Variants in MBNL3 observed in about 807,000 individuals in gnomAD.
MBNL3 encodes the protein muscleblind like splicing regulator 3.
MBNL3 carries 6 observed loss-of-function variants against 24.5 expected under a neutral mutation model. The observed-to-expected ratio is 0.25, with a 90% CI of 0.13 to 0.48. The LOEUF is 0.48. Among genes scored for constraint, MBNL3 ranks in the 20% least tolerant of loss-of-function variants. The pLI is 0.99. For synonymous variants in MBNL3, 100 were observed against 101.7 expected (o/e 0.98, Z 0.10); for missense variants, 230 against 293.5 (o/e 0.78, Z 1.58).
chrX:132,467,535 T>G (rs1056820741), intron 1 of MBNL3, among the ~76,000 whole-genome samples: 2 of 112,373 alleles, frequency 1.8e-5, no homozygotes, highest in Non-Finnish European at 3.8e-5. Context: ...GGAAACTTTC[T>G]TGTGGATACA....
chrX:132,372,382 A>G lies in MBNL3; in HGVS notation c.*7284T>C, dbSNP rs1417736990. ...AGAATATATTTAGGAAAATCCTTCA[A>G]AAGTTTTTTAATTTAAATCATTGTA... On this transcript the variant is annotated 3_prime_UTR_variant, in exon 9 of 9. Transcript: ENST00000370853. The G allele has an allele frequency of 9.1e-6, 1 of 109,998 alleles. No individual in the cohort carries two copies. Among genetic ancestry groups the G allele is most frequent in the Non-Finnish European group, 1.9e-5 (1 of 52,611 alleles). The allele number at this position is 109,998 out of a possible 1,213,427, so 9.1% of individuals were successfully genotyped here.
chrX:132,379,569 ATTG>A lies in MBNL3; in HGVS notation c.*94_*96del. ...TTAATACATTGACTGCAACACGCTTATTGTTGTGTTGGTAGAATAAGACATACG... is the reference window on the plus strand; with the variant it reads ...TTAATACATTGACTGCAACACGCTTATTGTGTTGGTAGAATAAGACATACG... On this transcript the variant is annotated 3_prime_UTR_variant, in exon 9 of 9. Coordinates refer to ENST00000370853, the MANE Select transcript of MBNL3 (RefSeq NM_001386889.1). 3.3e-6 allele frequency: 3 copies of A among 907,898 alleles called. No individual in the cohort carries two copies. The highest frequency in any genetic ancestry group is 3.2e-5 in the Admixed American group (1 of 31,068). The allele number at this position is 907,898 out of a possible 1,213,427, so 74.8% of individuals were successfully genotyped here.
Position 132,406,377 on chromosome X carries a change from C to G in MBNL3, c.193G>C (p.Glu65Gln), listed in dbSNP as rs764440947. Residue 65 changes from glutamate to glutamine, a missense_variant, in exon 3 of 9, where the codon GAG becomes CAG. Glu to Gln is a conservative substitution (Grantham distance 29). Transcript: ENST00000370853. ...FDSLKGRCTRENCKYLHPPPH... is the reference protein window; with the variant it reads ...FDSLKGRCTRQNCKYLHPPPH... Reference sequence around the variant, plus strand: ...GGAGGGTGAAGGTACTTGCAGTTCTCTCGGGTACACCGACCCTGACAATGA... The same window carrying G: ...GGAGGGTGAAGGTACTTGCAGTTCTGTCGGGTACACCGACCCTGACAATGA... 1.2e-5 allele frequency: 14 copies of G among 1,196,272 alleles called. No homozygotes were observed. The South Asian group carries it at 2.4e-4, about 20-fold the overall frequency.
chrX:132,414,730 T>G (rs1435528571), intron 2 of MBNL3, among the ~76,000 whole-genome samples: 2 of 111,542 alleles, frequency 1.8e-5, no homozygotes, highest in African/African-American at 6.5e-5. Context: ...ACTGATCTAA[T>G]CCAACTTCCT....
chrX:132,465,359 G>A (rs1946834200), intron 1 of MBNL3, among the ~76,000 whole-genome samples: 1 of 111,885 alleles, frequency 8.9e-6, no homozygotes, highest in Admixed American at 9.5e-5. Context: ...AACTTTAAAA[G>A]CTATGATTCT....
chrX:132,443,984 T>TCCCCCCCC lies in MBNL3; in HGVS notation c.-703-3671_-703-3670insGGGGGGGG, dbSNP rs762809506. Among the ~76,000 whole-genome samples the TCCCCCCCC allele has an allele frequency of 7.8e-3, 48 of 6,154 alleles. 16 individuals are homozygous for TCCCCCCCC. Among genetic ancestry groups the TCCCCCCCC allele is most frequent in the Non-Finnish European group, 8.4e-3 (30 of 3,556 alleles). The allele number at this position is 6,154 out of a possible 115,157, so 5.3% of individuals were successfully genotyped here. On this transcript the variant is annotated intron_variant, in intron 1 of 8. Coordinates refer to ENST00000370853, the MANE Select transcript of MBNL3 (RefSeq NM_001386889.1). ...AAACTCAAGCAGCCTGACTCCAGAG[T>TCCCCCCCC]CCGCCCCCCCCCCCCCCCCCCACCT...
At chrX:132,425,472 C>T (rs1944225660) in intron 2 of MBNL3, among the ~76,000 whole-genome samples, 1 of 111,170 alleles carries the variant, frequency 9.0e-6, no homozygotes, top group South Asian at 3.8e-4. Flanking sequence ...TTCATGGACC[C>T]TCTCTATTAT....
At chrX:132,488,030 A>C (rs1399155582) in intron 1 of MBNL3, among the ~76,000 whole-genome samples, 4 of 112,320 alleles carry the variant, frequency 3.6e-5, no homozygotes, top group Non-Finnish European at 7.5e-5. Context: ...TAAATCTTGC[A>C]AGTTTTGTTT....
chrX:132,384,328 A>T (rs1935586922), intron 7 of MBNL3, among the ~76,000 whole-genome samples: 1 of 112,474 alleles, frequency 8.9e-6, no homozygotes, highest in African/African-American at 3.2e-5. Flanking sequence ...ACAATTTTTA[A>T]ATAATACATG....
chrX:132,372,560 T>C lies in MBNL3; in HGVS notation c.*7106A>G, dbSNP rs1933718064. 1 of 109,239 alleles carries C rather than the reference T, an allele frequency of 9.2e-6. No individual in the cohort carries two copies. Among genetic ancestry groups the C allele is most frequent in the African/African-American group, 3.3e-5 (1 of 30,323 alleles). The allele number at this position is 109,239 out of a possible 1,213,427, so 9.0% of individuals were successfully genotyped here. On this transcript the variant is annotated 3_prime_UTR_variant, in exon 9 of 9. Transcript: ENST00000370853. ...CATTCATTCCCATAATCCAGTGATATGATGGTCATATCATTCTCTCAACTG... is the reference window on the plus strand; with the variant it reads ...CATTCATTCCCATAATCCAGTGATACGATGGTCATATCATTCTCTCAACTG...
chrX:132,407,558 A>C (rs773936910), intron 2 of MBNL3, among the ~76,000 whole-genome samples: 1 of 112,377 alleles, frequency 8.9e-6, no homozygotes, highest in South Asian at 3.7e-4. Context: ...TGGTAGTATG[A>C]GTTAAGAATC....
chrX:132,415,684 C>T (rs969228546), intron 2 of MBNL3, among the ~76,000 whole-genome samples: 5 of 111,478 alleles, frequency 4.5e-5, no homozygotes, highest in African/African-American at 1.6e-4. Flanking sequence ...AATTATGTTT[C>T]AATCCCCCAA....
At position 132,391,077 on chromosome X, in the gene MBNL3, G is replaced by T. The variant is rs1288518299; in HGVS notation, c.541C>A (p.Arg181=). ...GTACAATTTCCACGCTGAAATTCTC[G>T]GCAAACCTTAGAACACACACATGCA... ...LMRSDKLEVC[R]EFQRGNCTRG... is the part of the protein sequence containing the mutation. Residue 181 remains arginine, a synonymous_variant, in exon 5 of 9, where the codon CGA becomes AGA. Transcript: ENST00000370853. 1.7e-6 allele frequency: 2 copies of T among 1,205,785 alleles called. No homozygotes were observed. The highest frequency in any genetic ancestry group is 3.5e-5 in the South Asian group (2 of 56,817).
intron 2 of MBNL3, chrX:132,430,296 G>A (rs913823348): frequency 9.0e-6 from 1 of 111,345 alleles, no homozygotes; most frequent in Admixed American, 9.5e-5. Context: ...CCTTCACCCA[G>A]ATTCCCCTAC....
In MBNL3 at chrX:132,377,473, G is replaced by A. The variant is rs985111867; in HGVS notation, c.*2193C>T. The A allele has an allele frequency of 9.0e-6, 1 of 111,521 alleles. No homozygotes were observed. Among genetic ancestry groups the A allele is most frequent in the African/African-American group, 3.3e-5 (1 of 30,722 alleles). The allele number at this position is 111,521 out of a possible 1,213,427, so 9.2% of individuals were successfully genotyped here. On this transcript the variant is annotated 3_prime_UTR_variant, in exon 9 of 9. Transcript: ENST00000370853. ...AGCACTGTTGATCAGGATTTGGATG[G>A]ATAATTAAGATCAACAGAGTATCAA...
intron 3 of MBNL3, 66 bp downstream of exon 3, chrX:132,406,162 A>G: frequency 8.7e-7 from 1 of 1,150,469 alleles, no homozygotes; most frequent in Admixed American, 2.2e-5. Context: ...AATTTCCCCA[A>G]GTCCCTGCCA....
At chrX:132,406,863 A>C (rs923107789) in intron 2 of MBNL3, among the ~76,000 whole-genome samples, 3 of 111,938 alleles carry the variant, frequency 2.7e-5, no homozygotes, top group African/African-American at 9.8e-5. Flanking sequence ...ACTCATGAGC[A>C]GTATATAAAG....
rs1445754925 is a variant in MBNL3 at position 132,372,030 on chromosome X, C to T, written c.*7636G>A. ...AAGTTTATGCATTTTATTAGAAGAA[C>T]AAAAAATAAACATAGAAGTAGCATA... On this transcript the variant is annotated 3_prime_UTR_variant, in exon 9 of 9. Coordinates refer to ENST00000370853, the MANE Select transcript of MBNL3 (RefSeq NM_001386889.1). 1 of 109,488 alleles carries T rather than the reference C, an allele frequency of 9.1e-6. No homozygotes were observed. Among genetic ancestry groups the T allele is most frequent in the Non-Finnish European group, 1.9e-5 (1 of 52,314 alleles). 9.0% of individuals were successfully genotyped at this position (109,488 alleles called of 1,213,427 possible). A position where few individuals can be genotyped will look rare whatever the true frequency, so the allele number is the denominator to read the frequency against.
rs1373395225 is a variant in MBNL3 at position 132,390,995 on chromosome X, G to A, written c.623C>T (p.Ala208Val). ...AHPTDASMIE[A>V]SDNTVTICMD... ...GCAGATTGTCACAGTATTATCACTC[G>A]CTTCAATCATGGAAGCATCAGTAGG... is the stretch of plus-strand genomic sequence containing the variant. Residue 208 changes from alanine (A) to valine (V), a missense_variant, in exon 5 of 9, where the codon GCG (alanine) becomes GTG (valine). By Grantham distance (64) the Ala-to-Val change is moderately conservative. Coordinates refer to ENST00000370853, the MANE Select transcript of MBNL3 (RefSeq NM_001386889.1). The A allele has an allele frequency of 7.4e-6, 9 of 1,210,793 alleles. No homozygotes were observed. Among genetic ancestry groups the A allele is most frequent in the South Asian group, 1.8e-5 (1 of 56,944 alleles).
Sources: gnomAD v4.1 joint callset for allele counts (sites outside exome capture counted in the v4.1 genomes callset) on GRCh38, gnomAD v4.1.1 for gene constraint, MANE v1.5 for transcripts, NCBI Gene and HGNC (gene_info 2026-07-23, HGNC 2026-07-21) for gene names.